The following TTN variants were observed in gnomAD, a reference collection of about 807,000 sequenced individuals.
TTN encodes the protein titin, also known as connectin.
TTN carries 1,525 observed loss-of-function variants against 3,223.0 expected under a neutral mutation model. That is an observed-to-expected ratio of 0.47 (90% confidence interval 0.45 to 0.49). The LOEUF (loss-of-function observed/expected upper bound fraction) is 0.49, where lower values mean the gene tolerates loss of function less well. Ranked by LOEUF, TTN falls within the 20% of genes least tolerant of loss-of-function variation. TTN has a pLI of 0.00. For synonymous variants in TTN, 14,094 were observed against 15,161.0 expected (o/e 0.93, Z 5.17); for missense variants, 40,786 against 43,424.0 (o/e 0.94, Z 5.40).
Position 178,620,620 on chromosome 2 carries a change from C to A in TTN, c.45901G>T (p.Asp15301Tyr), listed in dbSNP as rs775319828. ...TTAAGAGGCTCAACAATCCTAAGGT[C>A]TTCCTCTGTTGTAAAGGAGAAAAAT... The part of the protein sequence containing the change: ...SAANLIVEEE[D>Y]LRIVEPLKDI... Residue 15301 changes from aspartate (D) to tyrosine (Y), a missense_variant, in exon 248 of 363, where the codon GAC becomes TAC. Asp to Tyr is a radical substitution (Grantham distance 160). Transcript: ENST00000589042. 1.9e-6 allele frequency: 3 copies of A among 1,605,792 alleles called. No individual in the cohort carries two copies. In the East Asian group the frequency reaches 6.7e-5, roughly 36 times the overall value.
At chr2:178,551,341 T>G in intron 335 of TTN, 81 bp from the exon 336 acceptor site, 1 of 1,091,278 alleles carries the variant, frequency 9.2e-7, no homozygotes, top group East Asian at 3.1e-5. Context: ...AATACAATTA[T>G]TCTATAATTT....
Position 178,678,733 on chromosome 2 carries a change from G to A in TTN, c.33826+14C>T, listed in dbSNP as rs893115669. 6.3e-7 allele frequency: 1 copy of A among 1,597,180 alleles called. No homozygotes were observed. The highest frequency in any genetic ancestry group is 8.5e-7 in the Non-Finnish European group (1 of 1,173,370). On this transcript the variant is annotated intron_variant, in intron 143 of 362. Coordinates refer to ENST00000589042, the MANE Select transcript of TTN (RefSeq NM_001267550.2). The stretch of plus-strand genomic sequence containing the variant: ...TGTGAAATAAAAATATTGCAACATT[G>A]CAAGTTCATGTACCTTTGGCAGGTG...
chr2:178,750,285 G>A (rs1193277272), intron 47 of TTN: 1 of 1,613,080 alleles, frequency 6.2e-7, no homozygotes, highest in Non-Finnish European at 8.5e-7. Flanking sequence ...TTGACATCAT[G>A]TTTTTGTTTT....
At position 178,624,704 on chromosome 2, in the gene TTN, A is replaced by G. The variant is rs553230082; in HGVS notation, c.44576T>C (p.Leu14859Pro). The stretch of plus-strand genomic sequence containing the variant: ...TCCCTCTTCGACCGTCTGGTCCTCA[A>G]GAGGCTTAGTGAATTCAACTGGGGG... ...KEPPVEFTKP[L>P]EDQTVEEGAT... The change falls in exon 242 of 363, where the codon CTT becomes CCT. Residue 14859 changes from leucine to proline, a missense_variant. Coordinates refer to ENST00000589042, the MANE Select transcript of TTN (RefSeq NM_001267550.2). The G allele has an allele frequency of 1.8e-5, 29 of 1,612,322 alleles. No individual in the cohort carries two copies. In the South Asian group the frequency reaches 2.7e-4, roughly 15 times the overall value.
chr2:178,708,373 A>G (rs1451794407), intron 99 of TTN, among the ~76,000 whole-genome samples: 1 of 152,198 alleles, frequency 6.6e-6, no homozygotes, highest in Non-Finnish European at 1.5e-5. Context: ...TTAGGAGTTG[A>G]GGCTCAGTGT....
Position 178,562,568 on chromosome 2 carries a change from G to A in TTN, c.83564C>T (p.Thr27855Ile), listed in dbSNP as rs1268315067. 3 of 1,610,824 alleles carry A rather than the reference G, an allele frequency of 1.9e-6. No homozygotes were observed. The African/African-American group carries it at 4.0e-5, about 22-fold the overall frequency. The change falls in exon 326 of 363, where the codon ACA (threonine) becomes ATA (isoleucine). Residue 27855 changes from threonine (T) to isoleucine (I), a missense_variant. Coordinates refer to ENST00000589042, the MANE Select transcript of TTN (RefSeq NM_001267550.2). ...EYGIGLPAET[T>I]EPVKVSEPPL... is the part of the protein sequence containing the mutation. ...TGGTTCAGACACTTTAACGGGTTCT[G>A]TTGTTTCAGCTGGCAAACCAATCCC...
At chr2:178,540,803 C>T (rs1018721357) in intron 350 of TTN, among the ~76,000 whole-genome samples, 1 of 151,860 alleles carries the variant, frequency 6.6e-6, no homozygotes, top group Non-Finnish European at 1.5e-5. Flanking sequence ...CTCAAAAAAA[C>T]ACAAAAAAAC....
In TTN at chr2:178,775,114, T is replaced by G; in HGVS notation, c.6597A>C (p.Ser2199=). ...ACCATTTCACTTTGACAAATGGTTC[T>G]GAAGTTTCACATTCAAAGGTTGCCA... is the stretch of plus-strand genomic sequence containing the variant. ...DTMATFECET[S]EPFVKVKWYK... is the part of the protein sequence containing the mutation. The change falls in exon 29 of 363, where the codon TCA becomes TCC. Residue 2199 remains serine, a synonymous_variant. Transcript: ENST00000589042. 6.2e-7 allele frequency: 1 copy of G among 1,614,066 alleles called. No homozygotes were observed. The highest frequency in any genetic ancestry group is 8.5e-7 in the Non-Finnish European group (1 of 1,179,986).
chr2:178,632,025 T>C, intron 236 of TTN, 122 bp downstream of exon 236: 1 of 1,039,516 alleles, frequency 9.6e-7, no homozygotes, highest in Non-Finnish European at 1.3e-6. Flanking sequence ...ATGTGATAGC[T>C]TCTTAAGGAG....
At position 178,784,864 on chromosome 2, in the gene TTN, T is replaced by C. The variant is rs142329011; in HGVS notation, c.2494-513A>G. Among the ~76,000 whole-genome samples the C allele has an allele frequency of 5.9e-5, 9 of 152,354 alleles. No individual in the cohort carries two copies. In the East Asian group the frequency reaches 1.3e-3, roughly 23 times the overall value. On this transcript the variant is annotated intron_variant, in intron 15 of 362. Coordinates refer to ENST00000589042, the MANE Select transcript of TTN (RefSeq NM_001267550.2). ...CCTTACTGCTTTTATTCTGTTGTGG[T>C]CTATGGTTATTTGTTTTGTAATTTG...
intron 150 of TTN, among the ~76,000 whole-genome samples, chr2:178,674,697 C>T (rs1337801670): frequency 3.3e-5 from 5 of 151,292 alleles, no homozygotes; most frequent in Admixed American, 2.6e-4. Flanking sequence ...AGATTTTCTG[C>T]ACCAGTTACT....
chr2:178,802,160 A>G lies in TTN; in HGVS notation c.273T>C (p.Ser91=), dbSNP rs775573951. ...TACCTTTCACGAGAAGCTCAGCAGT[A>G]CTAGTCGCTTGTCCAGATCCATTGG... The part of the protein sequence containing the change: ...KATNGSGQAT[S]TAELLVKAET... The change falls in exon 3 of 363, where the codon AGT becomes AGC. Residue 91 remains serine, a synonymous_variant. Coordinates refer to ENST00000589042, the MANE Select transcript of TTN (RefSeq NM_001267550.2). 10 of 1,614,094 alleles carry G rather than the reference A, an allele frequency of 6.2e-6. No individual in the cohort carries two copies. In the Admixed American group the frequency reaches 1.7e-4, roughly 27 times the overall value.
At chr2:178,683,813 T>G (rs1273851213) in intron 133 of TTN, among the ~76,000 whole-genome samples, 186 bp downstream of exon 133, 1 of 152,012 alleles carries the variant, frequency 6.6e-6, no homozygotes, top group Non-Finnish European at 1.5e-5. Flanking sequence ...AGCCTCACTT[T>G]TTTTTAAGAA....
Position 178,595,540 on chromosome 2 carries a change from T to C in TTN, c.57814A>G (p.Thr19272Ala). The change falls in exon 295 of 363, where the codon ACA becomes GCA. Residue 19272 changes from threonine to alanine, a missense_variant. By Grantham distance (58) the Thr-to-Ala change is moderately conservative. Transcript: ENST00000589042. The stretch of plus-strand genomic sequence containing the variant: ...TCTCTGATAACAAGTGCCTCTGATG[T>C]CTCAACAAATGGACCCATGCCAATA... ...NSIGMGPFVE[T>A]SEALVIREPI... 6.4e-7 allele frequency: 1 copy of C among 1,564,860 alleles called. No individual in the cohort carries two copies. The highest frequency in any genetic ancestry group is 8.7e-7 in the Non-Finnish European group (1 of 1,153,382).
rs1302879352 is a variant in TTN at position 178,544,360 on chromosome 2, A to G, written c.95869T>C (p.Tyr31957His). 6.2e-7 allele frequency: 1 copy of G among 1,613,796 alleles called. No homozygotes were observed. The highest frequency in any genetic ancestry group is 1.7e-5 in the Admixed American group (1 of 60,004). Reference sequence around the variant, plus strand: ...ATTGTGGCATTGGTATGCACTCGGTACCACTGATCAGTGTCCTTCTCTTGC... The same window carrying G: ...ATTGTGGCATTGGTATGCACTCGGTGCCACTGATCAGTGTCCTTCTCTTGC... The part of the protein sequence containing the change: ...EMQEKDTDQW[Y>H]RVHTNATIRN... The change falls in exon 345 of 363, where the codon TAC becomes CAC. Residue 31957 changes from tyrosine to histidine, a missense_variant. Tyr to His is a moderately conservative substitution (Grantham distance 83). Coordinates refer to ENST00000589042, the MANE Select transcript of TTN (RefSeq NM_001267550.2).
In TTN at chr2:178,597,520, C is replaced by T. The variant is rs1188782659; in HGVS notation, c.57544+18G>A. On this transcript the variant is annotated intron_variant, in intron 294 of 362. Transcript: ENST00000589042. ...ATGTTGGTTTAAAAAGTTGCACAGA[C>T]AAATTGAAAGTATTTACCTAATACA... The T allele has an allele frequency of 6.2e-7, 1 of 1,601,738 alleles. No homozygotes were observed. The highest frequency in any genetic ancestry group is 1.7e-5 in the Admixed American group (1 of 57,874).
chr2:178,565,753 G>A lies in TTN; in HGVS notation c.80379C>T (p.Ser26793=). 1 of 1,613,512 alleles carries A rather than the reference G, an allele frequency of 6.2e-7. No individual in the cohort carries two copies. The highest frequency in any genetic ancestry group is 2.2e-5 in the East Asian group (1 of 44,848). The change falls in exon 326 of 363, where the codon TCC becomes TCT. Residue 26793 remains serine (S), a synonymous_variant. Transcript: ENST00000589042. ...CCCACATAAGTGATGCACTGGTCTG[G>A]GACACATCAGTGAGTGTAACCTTTC... The part of the protein sequence containing the change: ...PPGKVTLTDV[S]QTSASLMWEK...
chr2:178,642,137 C>A (rs1218012767), intron 219 of TTN, 100 bp downstream of exon 219: 1 of 950,228 alleles, frequency 1.1e-6, no homozygotes, highest in Non-Finnish European at 1.5e-6. Flanking sequence ...AAATAGCGAA[C>A]CAATTCAAAG....
chr2:178,624,699 C>T lies in TTN; in HGVS notation c.44581G>A (p.Asp14861Asn), dbSNP rs1044788441. The T allele has an allele frequency of 1.1e-5, 18 of 1,612,204 alleles. No individual in the cohort carries two copies. Among genetic ancestry groups the T allele is most frequent in the Non-Finnish European group, 1.2e-5 (14 of 1,178,968 alleles). ...GTGGCTCCCTCTTCGACCGTCTGGT[C>T]CTCAAGAGGCTTAGTGAATTCAACT... Reference protein sequence around the residue: ...PPVEFTKPLEDQTVEEGATAV... With the variant: ...PPVEFTKPLENQTVEEGATAV... The change falls in exon 242 of 363, where the codon GAC becomes AAC. Residue 14861 changes from aspartate (D) to asparagine (N), a missense_variant. Physicochemically the swap from Asp to Asn is conservative, Grantham distance 23 (BLOSUM62 1). Coordinates refer to ENST00000589042, the MANE Select transcript of TTN (RefSeq NM_001267550.2).
Sources: allele counts gnomAD v4.1 joint callset (sites outside exome capture counted in the v4.1 genomes callset), GRCh38; gene constraint gnomAD v4.1.1; transcripts MANE v1.5; gene names NCBI Gene and HGNC (gene_info 2026-07-23, HGNC 2026-07-21).